Variants in CLDN14 observed in about 807,000 individuals in gnomAD.
CLDN14 encodes the protein claudin 14.
In CLDN14, 2 loss-of-function variants were observed where a neutral mutation model predicts 2.1. The observed-to-expected ratio is 0.96, with a 90% CI of 0.39 to 3.01. The LOEUF is 3.01. CLDN14 is among the 30% of genes most tolerant of loss of function. The pLI, the probability that CLDN14 is intolerant of heterozygous loss-of-function variation, is 0.09. For synonymous variants in CLDN14, 136 were observed against 154.4 expected (o/e 0.88, Z 0.88); for missense variants, 298 against 328.0 (o/e 0.91, Z 0.71).
At chr21:36,573,095 A>G (rs930386616) in intron 1 of CLDN14, among the ~76,000 whole-genome samples, 1 of 152,116 alleles carries the variant, frequency 6.6e-6, no homozygotes, top group African/African-American at 2.4e-5. Flanking sequence ...AGGTCAGGAG[A>G]TCGAGACCAT....
chr21:36,537,967 G>C (rs970849017), intron 1 of CLDN14, among the ~76,000 whole-genome samples: 4 of 151,450 alleles, frequency 2.6e-5, no homozygotes, highest in Non-Finnish European at 5.9e-5. Context: ...CTTTCAAATG[G>C]TTAAGAAAAA....
intron 1 of CLDN14, among the ~76,000 whole-genome samples, chr21:36,550,460 C>T (rs1181130432): frequency 6.6e-6 from 1 of 152,156 alleles, no homozygotes; most frequent in Non-Finnish European, 1.5e-5. Flanking sequence ...ATTGGAGGGG[C>T]CCTAAAGTAA....
intron 2 of CLDN14, among the ~76,000 whole-genome samples, chr21:36,506,477 A>T (rs2087134068): frequency 6.6e-6 from 1 of 152,088 alleles, no homozygotes; most frequent in African/African-American, 2.4e-5. Flanking sequence ...GATGTCTGTA[A>T]TCCCAGCTAT....
intron 1 of CLDN14, among the ~76,000 whole-genome samples, chr21:36,514,033 T>C (rs1307203619): frequency 6.6e-6 from 1 of 152,014 alleles, no homozygotes; most frequent in Non-Finnish European, 1.5e-5. Context: ...GATTTATATT[T>C]TTTTGTAGAG....
intron 1 of CLDN14, among the ~76,000 whole-genome samples, chr21:36,563,490 G>A (rs145654921): frequency 2.0e-5 from 3 of 152,060 alleles, no homozygotes; most frequent in East Asian, 3.9e-4. Flanking sequence ...ATTGAATTCC[G>A]TGAATAACAA....
rs766586533 is a variant in CLDN14, at chr21:36,461,022, A to G, written c.674T>C (p.Val225Ala). The stretch of plus-strand genomic sequence containing the variant: ...GTACCCGCTGTGCGTGGCCGAGGTC[A>G]CTGAGGGGGCCCGATTGTCTTTGTA... ...AAYKDNRAPS[V>A]TSATHSGYRL... is the part of the protein sequence containing the mutation. Residue 225 changes from valine to alanine, a missense_variant, in exon 2 of 2, where the codon GTG becomes GCG. Coordinates refer to ENST00000399135, the MANE Select transcript of CLDN14 (RefSeq NM_001146079.2). 6.2e-7 allele frequency: 1 copy of G among 1,613,386 alleles called. No individual in the cohort carries two copies. The highest frequency in any genetic ancestry group is 1.3e-5 in the African/African-American group (1 of 74,928).
intron 1 of CLDN14, among the ~76,000 whole-genome samples, chr21:36,574,405 C>A (rs1846394965): frequency 6.6e-6 from 1 of 152,198 alleles, no homozygotes. Context: ...ATACAGCCAA[C>A]AACACAGATG....
intron 1 of CLDN14, among the ~76,000 whole-genome samples, chr21:36,525,188 G>C (rs2087314201): frequency 1.3e-5 from 2 of 152,142 alleles, no homozygotes; most frequent in Admixed American, 1.3e-4. Flanking sequence ...AGAAGGATAA[G>C]ACGGACACCC....
rs1316044132 is a variant in CLDN14 at position 36,544,139 on chromosome 21, C to T, written c.-220+32272G>A. Among the ~76,000 whole-genome samples the T allele has an allele frequency of 1.3e-5, 2 of 152,264 alleles. No individual in the cohort carries two copies. Among genetic ancestry groups the T allele is most frequent in the Admixed American group, 6.5e-5 (1 of 15,294 alleles). On this transcript the variant is annotated intron_variant, in intron 1 of 2. Transcript: ENST00000342108. The surrounding 1 kb of genome is among the most constrained non-coding windows in gnomAD (Gnocchi z 4.1). ...AGAAGCCACACCAGCCCTTGGCTCC[C>T]TCCAACCCAGGTTTCCATTACCATG...
intron 2 of CLDN14, among the ~76,000 whole-genome samples, chr21:36,488,274 C>CTTCCTTCCTTCCTTCCTTCCTTCA: frequency 6.8e-6 from 1 of 147,798 alleles, no homozygotes; most frequent in Non-Finnish European, 1.5e-5. Flanking sequence ...TCCTTCCTTC[C>CTTCCTTCCTTCCTTCCTTCCTTCA]CTCTCTCTTT....
At chr21:36,491,061 G>T (rs575451534) in intron 2 of CLDN14, among the ~76,000 whole-genome samples, 1 of 151,962 alleles carries the variant, frequency 6.6e-6, no homozygotes, top group African/African-American at 2.4e-5. Context: ...TCCAAAGGCC[G>T]AAGAAAGGCC....
At chr21:36,541,995 T>C (rs932126720) in intron 1 of CLDN14, among the ~76,000 whole-genome samples, 13 of 152,190 alleles carry the variant, frequency 8.5e-5, no homozygotes, top group African/African-American at 2.9e-4. Context: ...TCTCCCTCTG[T>C]CGCCCAGGCT....
chr21:36,535,472 G>A (rs927089320), intron 1 of CLDN14, among the ~76,000 whole-genome samples: 3 of 152,012 alleles, frequency 2.0e-5, no homozygotes, highest in Non-Finnish European at 4.4e-5. Context: ...ATGGAAAAAA[G>A]CATGAGCTAT....
intron 2 of CLDN14, chr21:36,487,392 A>C: frequency 5.5e-6 from 1 of 180,604 alleles, no homozygotes; most frequent in Non-Finnish European, 1.3e-5. Flanking sequence ...CACACACACC[A>C]TAGCGCTTTC....
At chr21:36,518,075 TACACACACAC>T (rs3030072) in intron 1 of CLDN14, among the ~76,000 whole-genome samples, 228 of 148,140 alleles carry the variant, frequency 1.5e-3, no homozygotes, top group African/African-American at 3.8e-3. Context: ...CTTACATACG[TACACACACAC>T]ACACACACAC....
intron 2 of CLDN14, among the ~76,000 whole-genome samples, chr21:36,493,852 C>T (rs1900367845): frequency 6.6e-6 from 1 of 152,114 alleles, no homozygotes; most frequent in South Asian, 2.1e-4. Flanking sequence ...GCCTTCATCT[C>T]CTCCATGGTG....
At chr21:36,576,213 A>G (rs551792847) in intron 1 of CLDN14, among the ~76,000 whole-genome samples, 3 of 152,266 alleles carry the variant, frequency 2.0e-5, no homozygotes, top group South Asian at 4.1e-4. Flanking sequence ...TTGACACCCA[A>G]TCTACTCATT....
intron 1 of CLDN14, among the ~76,000 whole-genome samples, chr21:36,538,651 A>G (rs1412295663): frequency 6.6e-6 from 1 of 152,138 alleles, no homozygotes; most frequent in Admixed American, 6.5e-5. Context: ...AAGAGACAGC[A>G]TTTCAGAAGG....
At chr21:36,513,126 G>A (rs1034257667) in intron 1 of CLDN14, among the ~76,000 whole-genome samples, 4 of 152,178 alleles carry the variant, frequency 2.6e-5, no homozygotes, top group Non-Finnish European at 1.5e-5. Context: ...AAATCATGGT[G>A]GTCCCATCCC....
Sources: gnomAD v4.1 joint callset for allele counts (sites outside exome capture counted in the v4.1 genomes callset) on GRCh38, gnomAD v4.1.1 for gene constraint, Gnocchi (gnomAD v3.1) non-coding constraint, MANE v1.5 for transcripts, NCBI Gene and HGNC (gene_info 2026-07-23, HGNC 2026-07-21) for gene names.